NLGN2: variants seen among roughly 807,000 people sequenced by gnomAD.
NLGN2 encodes the protein neuroligin-2.
A neutral mutation model predicts 48.6 loss-of-function variants in NLGN2; 11 were observed. The observed-to-expected ratio is 0.23, with a 90% CI of 0.14 to 0.37. The LOEUF is 0.37. Ranked by LOEUF, NLGN2 falls within the 10% of genes least tolerant of loss-of-function variation. The pLI is 1.00. For missense variants in NLGN2, 801 were observed against 1,225.2 expected, an observed-to-expected ratio of 0.65 and a Z score of 5.17; for synonymous variants, 548 against 550.0, an observed-to-expected ratio of 1.00 and a Z score of 0.05.
upstream of NLGN2, among the ~76,000 whole-genome samples, chr17:7,406,877 G>A (rs957611221): frequency 4.6e-5 from 7 of 152,124 alleles, no homozygotes; most frequent in African/African-American, 1.7e-4. Flanking sequence ...TGAAAAGGTG[G>A]TGGGGTCCAA....
At chr17:7,412,267 G>A in intron 2 of NLGN2, 60 bp downstream of exon 2, 3 of 1,313,706 alleles carry the variant, frequency 2.3e-6, no homozygotes, top group Admixed American at 1.7e-5. Flanking sequence ...TCATGGCCCT[G>A]CCCCTCACTA....
In NLGN2 at chr17:7,417,401, C is replaced by T. The variant is rs1443857397; in HGVS notation, c.2110C>T (p.Arg704Trp). The T allele has an allele frequency of 3.1e-6, 5 of 1,609,802 alleles. No individual in the cohort carries two copies. Among genetic ancestry groups the T allele is most frequent in the South Asian group, 2.2e-5 (2 of 90,614 alleles). The change falls in exon 7 of 7, where the codon CGG (arginine) becomes TGG (tryptophan). Residue 704 changes from arginine (R) to tryptophan (W), a missense_variant. Arg to Trp is a moderately radical substitution (Grantham distance 101). This residue lies in a region of NLGN2 where 276 missense variants were observed against 313.9 expected (regional missense o/e 0.88). Transcript: ENST00000302926. ...FAALYYKRDR[R>W]QELRCRRLSP... is the part of the protein sequence containing the mutation. The stretch of plus-strand genomic sequence containing the variant: ...TGCCCTCTACTACAAGCGGGACCGG[C>T]GGCAGGAGCTGCGGTGCAGGCGGCT...
chr17:7,406,628 A>G (rs1162612850), upstream of NLGN2, among the ~76,000 whole-genome samples: 1 of 117,742 alleles, frequency 8.5e-6, no homozygotes, highest in Non-Finnish European at 1.7e-5. Flanking sequence ...GCGTCAGCAA[A>G]CAGCTCTGGC....
Position 7,416,935 on chromosome 17 carries a change from C to T in NLGN2, c.1644C>T (p.Asn548=), listed in dbSNP as rs1200185112. The change falls in exon 7 of 7, where the codon AAC becomes AAT. Residue 548 remains asparagine (N), a synonymous_variant. Coordinates refer to ENST00000302926, the MANE Select transcript of NLGN2 (RefSeq NM_020795.4). ...WTNFAKTGDP[N]QPVPQDTKFI... ...CCTCCTGTGCCCACAGGGACCCCAACCAGCCGGTGCCGCAGGATACCAAGT... is the reference window on the plus strand; with the variant it reads ...CCTCCTGTGCCCACAGGGACCCCAATCAGCCGGTGCCGCAGGATACCAAGT... 3 of 1,613,898 alleles carry T rather than the reference C, an allele frequency of 1.9e-6. No individual in the cohort carries two copies. Among genetic ancestry groups the T allele is most frequent in the Admixed American group, 1.7e-5 (1 of 59,992 alleles).
upstream of NLGN2, among the ~76,000 whole-genome samples, chr17:7,406,654 G>A (rs957930000): frequency 1.3e-4 from 4 of 29,720 alleles, no homozygotes; most frequent in Admixed American, 2.2e-4. Context: ...GTGGGGGGGC[G>A]GGGGGGGGGC....
chr17:7,415,939 C>T lies in NLGN2; in HGVS notation c.1466C>T (p.Ala489Val), dbSNP rs369949476. 30 of 1,613,868 alleles carry T rather than the reference C, an allele frequency of 1.9e-5. No individual in the cohort carries two copies. The highest frequency in any genetic ancestry group is 1.5e-4 in the African/African-American group (11 of 75,066). ...TACACCTTCTACCACCACTGCCAGGCGGAGGGCCGGCCTGAGTGGGCAGAT... is the reference window on the plus strand; with the variant it reads ...TACACCTTCTACCACCACTGCCAGGTGGAGGGCCGGCCTGAGTGGGCAGAT... ...YFYTFYHHCQAEGRPEWADAA... is the reference protein window; with the variant it reads ...YFYTFYHHCQVEGRPEWADAA... The change falls in exon 6 of 7, where the codon GCG (alanine) becomes GTG (valine). Residue 489 changes from alanine (A) to valine (V), a missense_variant. Coordinates refer to ENST00000302926, the MANE Select transcript of NLGN2 (RefSeq NM_020795.4).
Position 7,414,324 on chromosome 17 carries a change from G to GGC in NLGN2, c.509-20_509-19insGC. ...TTGTCCCTGACCCCCTGGCCCACCT[G>GGC]CCCACCCCTCCCCACACAGATATCC... On this transcript the variant is annotated intron_variant, in intron 2 of 6. Transcript: ENST00000302926. The GGC allele has an allele frequency of 1.4e-6, 2 of 1,434,858 alleles. No homozygotes were observed. The highest frequency in any genetic ancestry group is 1.8e-6 in the Non-Finnish European group (2 of 1,087,930). The allele number at this position is 1,434,858 out of a possible 1,614,324, so 88.9% of individuals were successfully genotyped here. A position where few individuals can be genotyped will look rare whatever the true frequency, so the allele number is the denominator to read the frequency against.
chr17:7,415,892 C>T lies in NLGN2; in HGVS notation c.1419C>T (p.Asp473=). Residue 473 remains aspartate (D), a synonymous_variant, in exon 6 of 7, where the codon GAC becomes GAT. Coordinates refer to ENST00000302926, the MANE Select transcript of NLGN2 (RefSeq NM_020795.4). ...PAVATAKLHA[D]YQSPVYFYTF... ...TGGCCACTGCCAAGCTGCACGCCGA[C>T]TACCAGTCTCCCGTCTACTTTTACA... The T allele has an allele frequency of 6.2e-7, 1 of 1,610,880 alleles. No homozygotes were observed.
rs538339686 is a variant in NLGN2 at position 7,411,215 on chromosome 17, C to T, written c.458-942C>T. 3.3e-5 allele frequency among the ~76,000 whole-genome samples: 5 copies of T among 152,168 alleles called. No homozygotes were observed. The highest frequency in any genetic ancestry group is 1.9e-4 in the East Asian group (1 of 5,188). Reference sequence around the variant, plus strand: ...TTCCCTATCTGTGGACTGAACCACCCGCTCGGCCGTTGGGGAAGGGGTGCT... The same window carrying T: ...TTCCCTATCTGTGGACTGAACCACCTGCTCGGCCGTTGGGGAAGGGGTGCT... On this transcript the variant is annotated intron_variant, in intron 1 of 6. Coordinates refer to ENST00000302926, the MANE Select transcript of NLGN2 (RefSeq NM_020795.4). The surrounding 1 kb of genome is among the most constrained non-coding windows in gnomAD (Gnocchi z 4.5).
At position 7,411,479 on chromosome 17, in the gene NLGN2, G is replaced by C. The variant is rs1906888760; in HGVS notation, c.458-678G>C. Among the ~76,000 whole-genome samples, 1 of 152,228 alleles carries C rather than the reference G, an allele frequency of 6.6e-6. No individual in the cohort carries two copies. The highest frequency in any genetic ancestry group is 2.1e-4 in the South Asian group (1 of 4,834). On this transcript the variant is annotated intron_variant, in intron 1 of 6. Transcript: ENST00000302926. The surrounding 1 kb of genome is among the most constrained non-coding windows in gnomAD (Gnocchi z 4.5). The stretch of plus-strand genomic sequence containing the variant: ...ATAGACGAGAAGTGCTGGTGGTGAG[G>C]CTGGGTAGCGGGCGGGCAGCCCCAG...
At chr17:7,405,892 A>AG (rs916897744), upstream of NLGN2, among the ~76,000 whole-genome samples, 1 of 152,056 alleles carries the variant, frequency 6.6e-6, no homozygotes, top group Admixed American at 6.6e-5. This position sits in a 1 kb window ranked among gnomAD's most constrained non-coding sequence, Gnocchi z 6.8. Context: ...CACTGCAGGA[A>AG]GGGGGGGCCT....
In NLGN2 at chr17:7,408,696, C is replaced by T. The variant is rs746506318; in HGVS notation, c.441C>T (p.Tyr147=). Reference sequence around the variant, plus strand: ...AGGACTGCCTGTACCTCAACCTCTACGTGCCCACCGAGGACGGTAAGGGCG... The same window carrying T: ...AGGACTGCCTGTACCTCAACCTCTATGTGCCCACCGAGGACGGTAAGGGCG... ...QSEDCLYLNL[Y]VPTEDGPLTK... is the part of the protein sequence containing the mutation. The change falls in exon 1 of 7, where the codon TAC becomes TAT. Residue 147 remains tyrosine (Y), a synonymous_variant. Transcript: ENST00000302926. The surrounding 1 kb of genome is among the most constrained non-coding windows in gnomAD (Gnocchi z 7.5). 14 of 1,613,010 alleles carry T rather than the reference C, an allele frequency of 8.7e-6. No homozygotes were observed. The Admixed American group carries it at 1.2e-4, about 13-fold the overall frequency.
At chr17:7,407,117 C>A (rs533115382), upstream of NLGN2, among the ~76,000 whole-genome samples, 4 of 152,268 alleles carry the variant, frequency 2.6e-5, no homozygotes, top group East Asian at 1.9e-4. Context: ...CATTCTGACT[C>A]ACGCCTTTGC....
At chr17:7,404,971 T>G (rs1483734024), upstream of NLGN2, 2 of 151,068 alleles carry the variant, frequency 1.3e-5, no homozygotes, top group East Asian at 4.0e-4. Context: ...GAGCCAGGAG[T>G]CCGGGCCTCC....
Position 7,415,011 on chromosome 17 carries a change from C to G in NLGN2, c.900C>G (p.Val300=). 1 of 1,612,920 alleles carries G rather than the reference C, an allele frequency of 6.2e-7. No individual in the cohort carries two copies. The highest frequency in any genetic ancestry group is 8.5e-7 in the Non-Finnish European group (1 of 1,180,040). ...QSGTAISSWS[V]NYQPLKYTRL... ...GCACCGCCATTTCCAGCTGGTCTGT[C>G]AACTACCAGCCGCTCAAGTACACGC... Residue 300 remains valine (V), a synonymous_variant, in exon 5 of 7, where the codon GTC becomes GTG. Transcript: ENST00000302926.
chr17:7,417,560 C>A lies in NLGN2; in HGVS notation c.2269C>A (p.Pro757Thr). 6.9e-7 allele frequency: 1 copy of A among 1,447,100 alleles called. No individual in the cohort carries two copies. The highest frequency in any genetic ancestry group is 9.0e-7 in the Non-Finnish European group (1 of 1,106,528). 89.6% of individuals were successfully genotyped at this position (1,447,100 alleles called of 1,614,324 possible). Residue 757 changes from proline (P) to threonine (T), a missense_variant, in exon 7 of 7, where the codon CCT becomes ACT. Transcript: ENST00000302926. The part of the protein sequence containing the change: ...LKRGGGVGAD[P>T]AEALRPACPP... ...GCGGGGTGGTGGCGTCGGGGCGGAC[C>A]CTGCCGAGGCTCTGCGCCCTGCCTG...
Position 7,419,443 on chromosome 17 carries a change from A to G in NLGN2, c.*1644A>G, listed in dbSNP as rs1460567385. ...TGGCATTTTGTGGGGTGTTAGTGCC[A>G]AACTTGAATAGGGGCTGGGGTGCTG... On this transcript the variant is annotated 3_prime_UTR_variant, in exon 7 of 7. Coordinates refer to ENST00000302926, the MANE Select transcript of NLGN2 (RefSeq NM_020795.4). The G allele has an allele frequency of 6.5e-6, 1 of 152,696 alleles. No homozygotes were observed. The highest frequency in any genetic ancestry group is 1.9e-4 in the East Asian group (1 of 5,202). 9.5% of individuals were successfully genotyped at this position (152,696 alleles called of 1,614,324 possible). A position where few individuals can be genotyped will look rare whatever the true frequency, so the allele number is the denominator to read the frequency against.
intron 1 of NLGN2, among the ~76,000 whole-genome samples, chr17:7,409,826 C>T (rs1355037547): frequency 6.6e-6 from 1 of 152,168 alleles, no homozygotes; most frequent in Non-Finnish European, 1.5e-5. Context: ...ACCTTGTGCT[C>T]CAGCACCCCA....
chr17:7,409,098 T>A (rs538456617), intron 1 of NLGN2, among the ~76,000 whole-genome samples: 1 of 152,004 alleles, frequency 6.6e-6, no homozygotes, highest in Non-Finnish European at 1.5e-5. Context: ...TTGCCCCGCC[T>A]CCCGCCGCCA....
Sources: allele counts gnomAD v4.1 joint callset (sites outside exome capture counted in the v4.1 genomes callset), GRCh38; gene constraint gnomAD v4.1.1; regional missense constraint gnomAD v4.1.1; non-coding constraint Gnocchi (gnomAD v3.1); transcripts MANE v1.5; gene names NCBI Gene and HGNC (gene_info 2026-07-23, HGNC 2026-07-21).